Variants in XCL1 observed in about 807,000 individuals in gnomAD.
XCL1 encodes X-C motif chemokine ligand 1, also known as lymphotactin.
Under a neutral mutation model 7.4 loss-of-function variants are expected in XCL1, and 6 were observed. The observed-to-expected ratio is 0.82, with a 90% CI of 0.45 to 1.61. The LOEUF (loss-of-function observed/expected upper bound fraction) is 1.61, where lower values mean the gene tolerates loss of function less well. XCL1 is among the 40% of genes most tolerant of loss of function. The probability of loss-of-function intolerance (pLI) is 0.01; values close to 1 mark genes in which losing one functional copy is unlikely to be tolerated. For synonymous variants in XCL1, 48 were observed against 52.4 expected (o/e 0.92, Z 0.36); for missense variants, 122 against 138.2 (o/e 0.88, Z 0.59).
chr1:168,579,739 G>A (rs1347808918), intron 1 of XCL1, among the ~76,000 whole-genome samples: 2 of 152,126 alleles, frequency 1.3e-5, no homozygotes, highest in Non-Finnish European at 2.9e-5. Flanking sequence ...ATAAATGAAT[G>A]AATGCGTGTC....
rs762155233 is a variant in XCL1 at position 168,576,707 on chromosome 1, A to T, written c.61+9A>T. 1 of 1,613,800 alleles carries T rather than the reference A, an allele frequency of 6.2e-7. No homozygotes were observed. The highest frequency in any genetic ancestry group is 1.1e-5 in the South Asian group (1 of 91,074). The stretch of plus-strand genomic sequence containing the variant: ...TGCATACATTGTGGAAGGTAAGTGG[A>T]GAAGCTGTCTGTGAGATAAAGAACA... On this transcript the variant is annotated intron_variant, in intron 1 of 2. Transcript: ENST00000367818.
In XCL1 at chr1:168,580,075, A is replaced by G. The variant is rs181291731; in HGVS notation, c.74A>G (p.Glu25Gly). 1 of 1,613,290 alleles carries G rather than the reference A, an allele frequency of 6.2e-7. No individual in the cohort carries two copies. Among genetic ancestry groups the G allele is most frequent in the African/African-American group, 1.3e-5 (1 of 74,888 alleles). ...TAYIVEGVGS[E>G]VSDKRTCVSL... ...TTTTCCTCACCAGGTGTAGGGAGTG[A>G]AGTCTCAGATAAGAGGACCTGTGTG... Residue 25 changes from glutamate to glycine, a missense_variant, in exon 2 of 3, where the codon GAA becomes GGA. Transcript: ENST00000367818.
intron 2 of XCL1, 53 bp from the exon 3 acceptor site, chr1:168,580,999 C>T: frequency 6.3e-7 from 1 of 1,598,840 alleles, no homozygotes; most frequent in Non-Finnish European, 8.5e-7. Context: ...AACTCCTGAC[C>T]CTGAGGCTTT....
chr1:168,579,328 C>T lies in XCL1; in HGVS notation c.62-735C>T. 1.4e-5 allele frequency: 3 copies of T among 214,314 alleles called. No individual in the cohort carries two copies. The South Asian group carries it at 2.0e-4, about 14-fold the overall frequency. 13.3% of individuals were successfully genotyped at this position (214,314 alleles called of 1,614,324 possible). ...CCTGTCCAATGCCTGCCTAAGAAAA[C>T]TCTTAGGCCTTTTCTCACACAGCGG... is the stretch of plus-strand genomic sequence containing the variant. On this transcript the variant is annotated intron_variant, in intron 1 of 2. Transcript: ENST00000367818.
chr1:168,578,568 A>C (rs2101836010), intron 1 of XCL1: 1 of 198,088 alleles, frequency 5.0e-6, no homozygotes, highest in South Asian at 9.6e-5. Flanking sequence ...ACTTCCTTTT[A>C]TATATATCTT....
chr1:168,578,997 A>T, intron 1 of XCL1: 1 of 405,148 alleles, frequency 2.5e-6, no homozygotes, highest in Non-Finnish European at 4.9e-6. Context: ...TTTTCCAGCA[A>T]GGTGGTGATA....
chr1:168,576,649 C>T lies in XCL1; in HGVS notation c.12C>T (p.Leu4=). The change falls in exon 1 of 3, where the codon CTC becomes CTT. Residue 4 remains leucine (L), a synonymous_variant. Coordinates refer to ENST00000367818, the MANE Select transcript of XCL1 (RefSeq NM_002995.3). ...GCAGGACCTCAGCCATGAGACTTCT[C>T]ATCCTGGCCCTCCTTGGCATCTGCT... MRL[L]ILALLGICSL... 1 of 1,613,750 alleles carries T rather than the reference C, an allele frequency of 6.2e-7. No individual in the cohort carries two copies. Among genetic ancestry groups the T allele is most frequent in the Non-Finnish European group, 8.5e-7 (1 of 1,179,834 alleles).
intron 1 of XCL1, among the ~76,000 whole-genome samples, chr1:168,577,670 CA>C (rs112612322): frequency 1.3e-5 from 2 of 151,978 alleles, no homozygotes; most frequent in Non-Finnish European, 2.9e-5. Context: ...ATGGATAAAA[CA>C]AAAAAATACT....
intron 1 of XCL1, among the ~76,000 whole-genome samples, chr1:168,579,820 A>C (rs970579422): frequency 9.2e-5 from 14 of 151,964 alleles, no homozygotes; most frequent in Admixed American, 2.0e-4. Context: ...ACATCTTGTT[A>C]TTTTCTCTCA....
intron 1 of XCL1, chr1:168,578,753 G>A (rs149992571): frequency 5.8e-4 from 262 of 448,672 alleles, no homozygotes; most frequent in Non-Finnish European, 7.0e-4. Flanking sequence ...CATCATATCC[G>A]TCATTGTAAT....
At chr1:168,578,191 A>T (rs774319332) in intron 1 of XCL1, among the ~76,000 whole-genome samples, 1 of 152,230 alleles carries the variant, frequency 6.6e-6, no homozygotes, top group Non-Finnish European at 1.5e-5. Context: ...AAGGTAGAGG[A>T]TAGCAATGTG....
intron 1 of XCL1, chr1:168,578,933 G>A (rs1655089013): frequency 2.7e-6 from 1 of 369,144 alleles, no homozygotes; most frequent in Non-Finnish European, 5.2e-6. Context: ...CAGACAGAAA[G>A]TTAACCAGCT....
At position 168,576,654 on chromosome 1, in the gene XCL1, T is replaced by C; in HGVS notation, c.17T>C (p.Leu6Pro). 1.9e-6 allele frequency: 3 copies of C among 1,613,780 alleles called. No homozygotes were observed. The highest frequency in any genetic ancestry group is 2.2e-5 in the East Asian group (1 of 44,864). ...ACCTCAGCCATGAGACTTCTCATCC[T>C]GGCCCTCCTTGGCATCTGCTCTCTC... MRLLI[L>P]ALLGICSLTA... Residue 6 changes from leucine (L) to proline (P), a missense_variant, in exon 1 of 3, where the codon CTG (leucine) becomes CCG (proline). Coordinates refer to ENST00000367818, the MANE Select transcript of XCL1 (RefSeq NM_002995.3).
intron 1 of XCL1, among the ~76,000 whole-genome samples, chr1:168,577,392 A>C (rs1655048507): frequency 6.6e-6 from 1 of 152,186 alleles, no homozygotes; most frequent in Non-Finnish European, 1.5e-5. Context: ...TACAATAATA[A>C]CTACTACCAA....
In XCL1 at chr1:168,580,455, C is replaced by T. The variant is rs564683885; in HGVS notation, c.176+278C>T. 2.0e-5 allele frequency among the ~76,000 whole-genome samples: 3 copies of T among 152,272 alleles called. No individual in the cohort carries two copies. In the South Asian group the frequency reaches 6.2e-4, roughly 32 times the overall value. Reference sequence around the variant, plus strand: ...TGAATACTGTGCACAGCTCTGAGACCTGGGTTTAGAGATGACTGGCCCATG... The same window carrying T: ...TGAATACTGTGCACAGCTCTGAGACTTGGGTTTAGAGATGACTGGCCCATG... On this transcript the variant is annotated intron_variant, in intron 2 of 2. Coordinates refer to ENST00000367818, the MANE Select transcript of XCL1 (RefSeq NM_002995.3).
In XCL1 at chr1:168,581,339, A is replaced by G; in HGVS notation, c.*119A>G. 1 of 1,335,858 alleles carries G rather than the reference A, an allele frequency of 7.5e-7. No homozygotes were observed. The highest frequency in any genetic ancestry group is 1.5e-5 in the African/African-American group (1 of 67,200). The allele number at this position is 1,335,858 out of a possible 1,614,324, so 82.8% of individuals were successfully genotyped here. ...TGCATGAATAAAATTATTCCTTTGTATTTTTACTTTTAAATGTCTTCTGTA... is the reference window on the plus strand; with the variant it reads ...TGCATGAATAAAATTATTCCTTTGTGTTTTTACTTTTAAATGTCTTCTGTA... On this transcript the variant is annotated 3_prime_UTR_variant, in exon 3 of 3. Transcript: ENST00000367818.
chr1:168,578,709 G>C (rs2101836163), intron 1 of XCL1: 1 of 336,012 alleles, frequency 3.0e-6, no homozygotes, highest in Middle Eastern at 1.0e-3. Flanking sequence ...GGCATTGTGA[G>C]CCACAGATTT....
chr1:168,582,042 T>C lies in XCL1; in HGVS notation c.*822T>C, dbSNP rs1655186150. 2 of 152,196 alleles carry C rather than the reference T, an allele frequency of 1.3e-5. No individual in the cohort carries two copies. The highest frequency in any genetic ancestry group is 4.8e-5 in the African/African-American group (2 of 41,454). The allele number at this position is 152,196 out of a possible 1,614,324, so 9.4% of individuals were successfully genotyped here. A position where few individuals can be genotyped will look rare whatever the true frequency, so the allele number is the denominator to read the frequency against. On this transcript the variant is annotated 3_prime_UTR_variant, in exon 3 of 3. Transcript: ENST00000367818. ...TGTGATCACAATTTGCAGTAAACTT[T>C]TAATTAAATGCTCATCTGGTAACTC...
chr1:168,577,604 G>A (rs1189534701), intron 1 of XCL1, among the ~76,000 whole-genome samples: 1 of 152,112 alleles, frequency 6.6e-6, no homozygotes, highest in Non-Finnish European at 1.5e-5. Context: ...ACTTAATAAT[G>A]GGTCCCCAAG....
Sources: allele counts gnomAD v4.1 joint callset (sites outside exome capture counted in the v4.1 genomes callset), GRCh38; gene constraint gnomAD v4.1.1; transcripts MANE v1.5; gene names NCBI Gene and HGNC (gene_info 2026-07-23, HGNC 2026-07-21).